The following WWOX variants were observed in gnomAD, a reference collection of about 807,000 sequenced individuals.
The protein encoded by WWOX is WW domain containing oxidoreductase.
WWOX carries 69 observed loss-of-function variants against 46.2 expected under a neutral mutation model. The observed-to-expected ratio is 1.49, with a 90% CI of 1.23 to 1.82. The LOEUF is 1.82. WWOX is among the 40% of genes most tolerant of loss of function. WWOX has a pLI of 0.00. For missense variants in WWOX, 919 were observed against 542.6 expected, an observed-to-expected ratio of 1.69 and a Z score of -6.89; for synonymous variants, 359 against 202.6, an observed-to-expected ratio of 1.77 and a Z score of -6.56.
chr16:79,067,950 C>T (rs962711421), intron 8 of WWOX, among the ~76,000 whole-genome samples: 4 of 152,164 alleles, frequency 2.6e-5, no homozygotes, highest in African/African-American at 9.7e-5. Context: ...CCTAAATCAG[C>T]CAATAAATAA....
At chr16:78,379,027 C>G (rs1458067985) in intron 5 of WWOX, among the ~76,000 whole-genome samples, 2 of 152,190 alleles carry the variant, frequency 1.3e-5, no homozygotes, top group Admixed American at 6.5e-5. Context: ...CAACACGTAT[C>G]TGTGTCTTAC....
In WWOX at chr16:78,700,666, G is replaced by A. The variant is rs542060873; in HGVS notation, c.1056+267914G>A. 7.2e-5 allele frequency among the ~76,000 whole-genome samples: 11 copies of A among 152,188 alleles called. No individual in the cohort carries two copies. The South Asian group carries it at 2.1e-3, about 29-fold the overall frequency. On this transcript the variant is annotated intron_variant, in intron 8 of 8. Transcript: ENST00000566780. ...TGCCATCATATTATACTTCCATATC[G>A]TGTGTCTTGTGGCATTCCTGGGCCT...
Position 78,493,307 on chromosome 16 carries a change from C to G in WWOX, c.1056+60555C>G, listed in dbSNP as rs2084831148. ...ATCTTTATTTAAGACAGGTGGCTAG[C>G]ATTATTTGGGTCCAGAAGCTTCCCT... On this transcript the variant is annotated intron_variant, in intron 8 of 8. Coordinates refer to ENST00000566780, the MANE Select transcript of WWOX (RefSeq NM_016373.4). Among the ~76,000 whole-genome samples the G allele has an allele frequency of 2.6e-5, 4 of 152,132 alleles. No individual in the cohort carries two copies. The South Asian group carries it at 8.3e-4, about 31-fold the overall frequency.
intron 5 of WWOX, among the ~76,000 whole-genome samples, chr16:78,372,887 G>A (rs1370643741): frequency 6.6e-6 from 1 of 152,060 alleles, no homozygotes; most frequent in East Asian, 1.9e-4. Flanking sequence ...GCTACTATGA[G>A]GCTATTTGGA....
chr16:78,563,033 CGATGCTCTGCACT>C (rs1597272193), intron 8 of WWOX, among the ~76,000 whole-genome samples: 1 of 151,804 alleles, frequency 6.6e-6, no homozygotes, highest in Non-Finnish European at 1.5e-5. Context: ...TTTGCACCCA[CGATGCTCTGCACT>C]TCAAGCTAAA....
chr16:78,318,960 T>C (rs1409005241), intron 5 of WWOX, among the ~76,000 whole-genome samples: 1 of 152,154 alleles, frequency 6.6e-6, no homozygotes, highest in African/African-American at 2.4e-5. Context: ...GGATATGCTT[T>C]GTTACATGGA....
intron 8 of WWOX, among the ~76,000 whole-genome samples, chr16:78,798,592 T>A (rs1464492406): frequency 1.3e-4 from 6 of 47,582 alleles, no homozygotes; most frequent in African/African-American, 4.9e-4. Context: ...TGTTGTTGGG[T>A]TTTTTTTTTT....
intron 8 of WWOX, among the ~76,000 whole-genome samples, chr16:78,941,133 T>C (rs2045843312): frequency 6.6e-6 from 1 of 152,142 alleles, no homozygotes; most frequent in Non-Finnish European, 1.5e-5. Flanking sequence ...TTCTTGCAGT[T>C]AGATTAACAA....
chr16:78,833,061 A>G (rs1406220161), intron 8 of WWOX, among the ~76,000 whole-genome samples: 3 of 150,274 alleles, frequency 2.0e-5, no homozygotes, highest in Non-Finnish European at 4.4e-5. Context: ...TCCTTTCTTA[A>G]GAAAGGGTCT....
intron 8 of WWOX, among the ~76,000 whole-genome samples, chr16:78,622,712 A>T (rs568814001): frequency 3.3e-5 from 5 of 152,196 alleles, no homozygotes; most frequent in African/African-American, 1.2e-4. Context: ...CCAATAGAAT[A>T]TGAAAAAGAT....
At chr16:78,324,670 T>A (rs1219191533) in intron 5 of WWOX, among the ~76,000 whole-genome samples, 1 of 151,302 alleles carries the variant, frequency 6.6e-6, no homozygotes, top group African/African-American at 2.4e-5. Context: ...TGAGGCTAAG[T>A]GAAAGAAGTT....
chr16:78,222,605 G>C (rs974773014), intron 5 of WWOX, among the ~76,000 whole-genome samples: 11 of 152,204 alleles, frequency 7.2e-5, no homozygotes, highest in African/African-American at 2.4e-4. Context: ...CCTGTGAACA[G>C]CACTTTTTAC....
At chr16:78,851,730 T>C (rs1427874136) in intron 8 of WWOX, among the ~76,000 whole-genome samples, 2 of 152,206 alleles carry the variant, frequency 1.3e-5, no homozygotes, top group Non-Finnish European at 2.9e-5. Context: ...TCAAATGAAG[T>C]GGACCTCCCC....
intron 8 of WWOX, among the ~76,000 whole-genome samples, chr16:78,886,544 A>C (rs541575086): frequency 7.9e-5 from 12 of 151,600 alleles, no homozygotes; most frequent in African/African-American, 2.9e-4. Flanking sequence ...CTAGAATTTC[A>C]TCTCACATCT....
intron 8 of WWOX, among the ~76,000 whole-genome samples, chr16:78,643,357 C>G (rs1468205456): frequency 6.6e-6 from 1 of 152,190 alleles, no homozygotes. Context: ...ACTGAGGCTT[C>G]TGGAGGATCT....
chr16:78,210,599 ACT>A (rs2036530878), intron 5 of WWOX, among the ~76,000 whole-genome samples: 1 of 152,152 alleles, frequency 6.6e-6, no homozygotes, highest in African/African-American at 2.4e-5. Flanking sequence ...CTAATGACAC[ACT>A]GCTTAGTCAC....
intron 8 of WWOX, among the ~76,000 whole-genome samples, chr16:78,796,690 A>T (rs953466733): frequency 6.6e-6 from 1 of 152,222 alleles, no homozygotes; most frequent in African/African-American, 2.4e-5. Flanking sequence ...GCATCATTGC[A>T]AAGTATTAGA....
At chr16:78,787,760 C>G (rs1270614205) in intron 8 of WWOX, among the ~76,000 whole-genome samples, 2 of 152,172 alleles carry the variant, frequency 1.3e-5, no homozygotes, top group African/African-American at 4.8e-5. Flanking sequence ...TCCACGGAGG[C>G]TGCACCATTT....
rs2151312684 is a variant in WWOX at position 78,961,660 on chromosome 16, T to C, written c.1057-249948T>C. Among the ~76,000 whole-genome samples the C allele has an allele frequency of 2.0e-5, 3 of 152,294 alleles. No individual in the cohort carries two copies. The South Asian group carries it at 6.2e-4, about 32-fold the overall frequency. On this transcript the variant is annotated intron_variant, in intron 8 of 8. Transcript: ENST00000566780. ...GAGTCTTTGATCTTCCAGCTTCACG[T>C]GCAAGAGAATCCCCAAGGTGAGCTT...
Sources: allele counts gnomAD v4.1 joint callset (sites outside exome capture counted in the v4.1 genomes callset), GRCh38; gene constraint gnomAD v4.1.1; transcripts MANE v1.5; gene names NCBI Gene and HGNC (gene_info 2026-07-23, HGNC 2026-07-21).